The following GJC3 variants were observed in gnomAD, a reference collection of about 807,000 sequenced individuals.
The protein encoded by GJC3 is gap junction gamma-3 protein.
A neutral mutation model predicts 19.8 loss-of-function variants in GJC3; 17 were observed. That is an observed-to-expected ratio of 0.86 (90% CI 0.59 to 1.29). The LOEUF (loss-of-function observed/expected upper bound fraction) is 1.29, where lower values mean the gene tolerates loss of function less well. Ranked by LOEUF, GJC3 falls within the 50% of genes most tolerant of loss-of-function variation. The pLI is 0.00. For missense variants in GJC3, 317 were observed against 332.5 expected (o/e 0.95, Z 0.36); for synonymous variants, 140 against 136.5 (o/e 1.03, Z -0.18).
chr7:99,925,194 C>A (rs920857987), intron 1 of GJC3, among the ~76,000 whole-genome samples: 6 of 152,070 alleles, frequency 3.9e-5, no homozygotes, highest in East Asian at 1.9e-4. Context: ...GTGATAAATA[C>A]CCCATTTACC....
chr7:99,926,048 C>G (rs1419736466), intron 1 of GJC3, among the ~76,000 whole-genome samples: 1 of 152,160 alleles, frequency 6.6e-6, no homozygotes, highest in Non-Finnish European at 1.5e-5. Context: ...AACACTAAAA[C>G]TGGGGCCAGG....
In GJC3 at chr7:99,923,341, T is replaced by A; in HGVS notation, c.*204A>T. 1 of 615,648 alleles carries A rather than the reference T, an allele frequency of 1.6e-6. No homozygotes were observed. The highest frequency in any genetic ancestry group is 2.9e-6 in the Non-Finnish European group (1 of 342,670). The allele number at this position is 615,648 out of a possible 1,614,324, so 38.1% of individuals were successfully genotyped here. ...GGGAATAATTCCCCAAAGCAATGCCTCCCTGAGCAATGGTGCAAACATGGC... is the reference window on the plus strand; with the variant it reads ...GGGAATAATTCCCCAAAGCAATGCCACCCTGAGCAATGGTGCAAACATGGC... On this transcript the variant is annotated 3_prime_UTR_variant, in exon 2 of 2. Coordinates refer to ENST00000312891, the MANE Select transcript of GJC3 (RefSeq NM_181538.3).
Position 99,928,164 on chromosome 7 carries a change from A to C in GJC3, c.781+676T>G, listed in dbSNP as rs372427982. ...GAATGTGGAAAAACAGAAAAGAGGT[A>C]AATGAAGCCAGTGAGACAGGAAGGG... On this transcript the variant is annotated intron_variant, in intron 1 of 1. Coordinates refer to ENST00000312891, the MANE Select transcript of GJC3 (RefSeq NM_181538.3). Among the ~76,000 whole-genome samples the C allele has an allele frequency of 2.6e-5, 4 of 152,356 alleles. No homozygotes were observed. The South Asian group carries it at 8.3e-4, about 32-fold the overall frequency.
At chr7:99,927,943 T>C (rs1224646329) in intron 1 of GJC3, among the ~76,000 whole-genome samples, 1 of 152,244 alleles carries the variant, frequency 6.6e-6, no homozygotes, top group Non-Finnish European at 1.5e-5. Flanking sequence ...ATCAGAGCTA[T>C]CAGTGATCAA....
upstream of GJC3, chr7:99,929,818 A>G (rs1819871144): frequency 3.2e-6 from 2 of 622,798 alleles, no homozygotes; most frequent in East Asian, 2.7e-5. Flanking sequence ...GTAAAATAAT[A>G]ACAGTGAGTG....
Position 99,923,314 on chromosome 7 carries a change from C to G in GJC3, c.*231G>C. ...TTACTTGCGATAAGTAAGGAGGACA[C>G]TGGGAATAATTCCCCAAAGCAATGC... On this transcript the variant is annotated 3_prime_UTR_variant, in exon 2 of 2. Transcript: ENST00000312891. 1 of 578,884 alleles carries G rather than the reference C, an allele frequency of 1.7e-6. No homozygotes were observed. The highest frequency in any genetic ancestry group is 3.1e-6 in the Non-Finnish European group (1 of 323,300). The allele number at this position is 578,884 out of a possible 1,614,324, so 35.9% of individuals were successfully genotyped here.
rs1042696780 is a variant in GJC3, at chr7:99,928,838, A to T, written c.781+2T>A. 1.9e-6 allele frequency: 3 copies of T among 1,613,782 alleles called. 1 individual carries two copies. Among genetic ancestry groups the T allele is most frequent in the Non-Finnish European group, 2.5e-6 (3 of 1,179,778 alleles). ...GACAGGAAGAGAGCGTGTCCTTCTC[A>T]CCTGCTTCTTGAAATTGCTCTTTGG... On this transcript the variant is annotated splice_donor_variant, in intron 1 of 1. Coordinates refer to ENST00000312891, the MANE Select transcript of GJC3 (RefSeq NM_181538.3). LOFTEE classifies it high-confidence loss of function.
At chr7:99,925,304 TA>T (rs989894861) in intron 1 of GJC3, among the ~76,000 whole-genome samples, 15 of 152,124 alleles carry the variant, frequency 9.9e-5, no homozygotes, top group African/African-American at 3.4e-4. Context: ...AAAAAGTTTT[TA>T]AAAAAGAAAT....
rs1166327657 is a variant in GJC3, at chr7:99,928,960, T to G, written c.661A>C (p.Thr221Pro). The G allele has an allele frequency of 6.2e-7, 1 of 1,613,978 alleles. No homozygotes were observed. The highest frequency in any genetic ancestry group is 8.5e-7 in the Non-Finnish European group (1 of 1,179,998). The change falls in exon 1 of 2, where the codon ACC becomes CCC. Residue 221 changes from threonine (T) to proline (P), a missense_variant. Coordinates refer to ENST00000312891, the MANE Select transcript of GJC3 (RefSeq NM_181538.3). ...VLLGLGRWWR[T>P]WKHKSSSSKY... ...GAAGAGGAAGATTTGTGCTTCCAGG[T>G]CCTCCACCATCTCCCCAAACCCAGA...
Position 99,928,902 on chromosome 7 carries a change from C to A in GJC3, c.719G>T (p.Arg240Ile). Residue 240 changes from arginine (R) to isoleucine (I), a missense_variant, in exon 1 of 2, where the codon AGA becomes ATA. Transcript: ENST00000312891. ...GAGGCTATCGGTTGCTTTCTTGTGT[C>A]TTCTGGTGCTCTCTGAAGTTAGGAA... The part of the protein sequence containing the change: ...KYFLTSESTR[R>I]HKKATDSLPV... 1 of 1,614,174 alleles carries A rather than the reference C, an allele frequency of 6.2e-7. No individual in the cohort carries two copies. Among genetic ancestry groups the A allele is most frequent in the Non-Finnish European group, 8.5e-7 (1 of 1,180,034 alleles).
At position 99,929,552 on chromosome 7, in the gene GJC3, G is replaced by A; in HGVS notation, c.69C>T (p.Leu23=). 1 of 1,613,392 alleles carries A rather than the reference G, an allele frequency of 6.2e-7. No homozygotes were observed. The highest frequency in any genetic ancestry group is 8.5e-7 in the Non-Finnish European group (1 of 1,179,984). Residue 23 remains leucine, a synonymous_variant, in exon 1 of 2, where the codon CTC becomes CTT. Transcript: ENST00000312891. ...ESRRSTPVGR[L]LLPVLLGFRL... is the part of the protein sequence containing the mutation. ...GGAATCCCAGGAGCACGGGAAGCAA[G>A]AGGCGCCCCACGGGGGTGGAGCGCC...
chr7:99,927,795 T>A (rs995156511), intron 1 of GJC3, among the ~76,000 whole-genome samples: 1 of 152,224 alleles, frequency 6.6e-6, no homozygotes, highest in Admixed American at 6.5e-5. Context: ...AGAACTCTAC[T>A]GCTTTTTCTG....
chr7:99,925,744 A>T (rs900478411), intron 1 of GJC3, among the ~76,000 whole-genome samples: 9 of 152,262 alleles, frequency 5.9e-5, no homozygotes, highest in Admixed American at 5.2e-4. Context: ...CATTTCTCCA[A>T]AGAAGATATA....
At chr7:99,924,355 G>A (rs988023889) in intron 1 of GJC3, among the ~76,000 whole-genome samples, 1 of 152,202 alleles carries the variant, frequency 6.6e-6, no homozygotes, top group Non-Finnish European at 1.5e-5. Context: ...TTGGGAGGCT[G>A]AGTGGGTGGA....
intron 1 of GJC3, among the ~76,000 whole-genome samples, chr7:99,925,431 A>C (rs1047994992): frequency 6.6e-6 from 1 of 152,230 alleles, no homozygotes; most frequent in Non-Finnish European, 1.5e-5. Context: ...AGCTGAAACT[A>C]TACAACTCTT....
intron 1 of GJC3, among the ~76,000 whole-genome samples, chr7:99,926,285 G>A (rs1323258294): frequency 2.0e-5 from 3 of 148,144 alleles, no homozygotes; most frequent in African/African-American, 5.0e-5. Flanking sequence ...AATAAGCCAA[G>A]ATCACACCAC....
At chr7:99,924,229 G>T (rs1184023542) in intron 1 of GJC3, among the ~76,000 whole-genome samples, 1 of 152,140 alleles carries the variant, frequency 6.6e-6, no homozygotes, top group African/African-American at 2.4e-5. Flanking sequence ...TCCCTGTAAA[G>T]TTATTCTTTC....
chr7:99,929,070 C>A lies in GJC3; in HGVS notation c.551G>T (p.Arg184Leu). 1 of 1,613,988 alleles carries A rather than the reference C, an allele frequency of 6.2e-7. No individual in the cohort carries two copies. The highest frequency in any genetic ancestry group is 8.5e-7 in the Non-Finnish European group (1 of 1,179,990). ...TAGGAAAATGGTCTTCTCAGAGGGG[C>A]GGGACAGATTGCAGGTTATACTACC... ...CLGSITCNLS[R>L]PSEKTIFLKT... Residue 184 changes from arginine to leucine, a missense_variant, in exon 1 of 2, where the codon CGC (arginine) becomes CTC (leucine). Transcript: ENST00000312891.
In GJC3 at chr7:99,926,248, C is replaced by T. The variant is rs191929192; in HGVS notation, c.781+2592G>A. Among the ~76,000 whole-genome samples the T allele has an allele frequency of 1.0e-3, 154 of 151,906 alleles. 1 individual carries two copies. Among genetic ancestry groups the T allele is most frequent in the African/African-American group, 3.5e-3 (146 of 41,404 alleles). ...ACTCAGGACGCTGAAGCAGGAGAAT[C>T]GCTTGAACCCAGGAAGTGGAGGTTG... On this transcript the variant is annotated intron_variant, in intron 1 of 1. Coordinates refer to ENST00000312891, the MANE Select transcript of GJC3 (RefSeq NM_181538.3).
Sources: gnomAD v4.1 joint callset for allele counts (sites outside exome capture counted in the v4.1 genomes callset) on GRCh38, gnomAD v4.1.1 for gene constraint, MANE v1.5 for transcripts, NCBI Gene and HGNC (gene_info 2026-07-23, HGNC 2026-07-21) for gene names.